The following CACNA1S variants were observed in gnomAD, a reference collection of about 807,000 sequenced individuals.
The protein encoded by CACNA1S is calcium voltage-gated channel subunit alpha1 S, also known as voltage-dependent L-type calcium channel subunit alpha-1S.
A neutral mutation model predicts 207.4 loss-of-function variants in CACNA1S; 126 were observed. The ratio of observed to expected loss-of-function variants is 0.61; its 90% CI spans 0.53 to 0.70. The LOEUF (loss-of-function observed/expected upper bound fraction) is 0.70, where lower values mean the gene tolerates loss of function less well. Among genes scored for constraint, CACNA1S ranks in the 30% least tolerant of loss-of-function variants. CACNA1S has a pLI of 0.00. For missense variants in CACNA1S, 2,349 were observed against 2,422.8 expected, an observed-to-expected ratio of 0.97 and a Z score of 0.64; for synonymous variants, 960 against 932.7, an observed-to-expected ratio of 1.03 and a Z score of -0.53.
chr1:201,111,649 T>C (rs560948024), intron 1 of CACNA1S, among the ~76,000 whole-genome samples: 1 of 152,116 alleles, frequency 6.6e-6, no homozygotes, highest in Non-Finnish European at 1.5e-5. Context: ...CTCTGTCCAC[T>C]GTCACCCCCC....
chr1:201,068,539 G>A lies in CACNA1S; in HGVS notation c.2550+598C>T, dbSNP rs566008565. On this transcript the variant is annotated intron_variant, in intron 19 of 43. Transcript: ENST00000362061. The stretch of plus-strand genomic sequence containing the variant: ...ATTACAGGCGTGAGCCACTGCGCCC[G>A]GCCACCAGGTCTGCTCTTAAGCTAA... 7.2e-4 allele frequency among the ~76,000 whole-genome samples: 107 copies of A among 148,204 alleles called. 1 individual carries two copies. The highest frequency in any genetic ancestry group is 4.3e-4 in the East Asian group (2 of 4,632).
rs577467752 is a variant in CACNA1S, at chr1:201,066,115, C to T, written c.2745+114G>A. The T allele has an allele frequency of 3.3e-4, 365 of 1,090,076 alleles. 4 individuals are homozygous for T. The African/African-American group carries it at 5.2e-3, about 16-fold the overall frequency. 67.5% of individuals were successfully genotyped at this position (1,090,076 alleles called of 1,614,324 possible). A position where few individuals can be genotyped will look rare whatever the true frequency, so the allele number is the denominator to read the frequency against. Reference sequence around the variant, plus strand: ...CAGCCTCATCCTTACCCCTATCTGCCCAGGGAGATGGGACAGGGGTCCCAG... The same window carrying T: ...CAGCCTCATCCTTACCCCTATCTGCTCAGGGAGATGGGACAGGGGTCCCAG... On this transcript the variant is annotated intron_variant, in intron 21 of 43. Coordinates refer to ENST00000362061, the MANE Select transcript of CACNA1S (RefSeq NM_000069.3). This position sits in a 1 kb window ranked among gnomAD's most constrained non-coding sequence, Gnocchi z 4.3.
chr1:201,093,299 A>C (rs1411690127), intron 3 of CACNA1S, among the ~76,000 whole-genome samples: 2 of 152,238 alleles, frequency 1.3e-5, no homozygotes, highest in Admixed American at 1.3e-4. Context: ...CTCTGGACAC[A>C]CAAAGAGACA....
chr1:201,090,390 G>C (rs560379505), intron 5 of CACNA1S, among the ~76,000 whole-genome samples: 2 of 152,298 alleles, frequency 1.3e-5, no homozygotes, highest in Non-Finnish European at 1.5e-5. Flanking sequence ...GTGGTGATGG[G>C]AGGAGGCTGA....
intron 2 of CACNA1S, among the ~76,000 whole-genome samples, chr1:201,100,124 C>T (rs1227970283): frequency 6.6e-6 from 1 of 152,228 alleles, no homozygotes; most frequent in African/African-American, 2.4e-5. Flanking sequence ...CCCTCTCCAT[C>T]CCAGAGGGAT....
At chr1:201,089,137 A>G (rs565763016) in intron 6 of CACNA1S, 121 bp downstream of exon 6, 1 of 865,938 alleles carries the variant, frequency 1.2e-6, no homozygotes, top group Admixed American at 2.0e-5. Context: ...AGCAAGAGGG[A>G]GCTGTGGTCA....
rs16847664 is a variant in CACNA1S at position 201,074,574 on chromosome 1, G to C, written c.1995C>G (p.Ala665=). Residue 665 remains alanine (A), a synonymous_variant, in exon 14 of 44, where the codon GCC becomes GCG. Transcript: ENST00000362061. ...GGGCAGAAGTCAGGCTCTCCGCCTC[G>C]GCCAGGTTGTCCACGGCAATGGCCA... is the stretch of plus-strand genomic sequence containing the variant. The part of the protein sequence containing the change: ...VFLAIAVDNL[A]EAESLTSAQK... The C allele has an allele frequency of 1.9e-6, 3 of 1,613,826 alleles. No individual in the cohort carries two copies. Among genetic ancestry groups the C allele is most frequent in the Non-Finnish European group, 2.5e-6 (3 of 1,179,904 alleles).
Position 201,085,730 on chromosome 1 carries a change from T to C in CACNA1S, c.1005-149A>G, listed in dbSNP as rs909618703. ...GTGTTGCCTGGGGTCCAGGTGCCCCTCAAGGTGGCTGAGAGACAGCCCCTC... is the reference window on the plus strand; with the variant it reads ...GTGTTGCCTGGGGTCCAGGTGCCCCCCAAGGTGGCTGAGAGACAGCCCCTC... On this transcript the variant is annotated intron_variant, in intron 7 of 43. Coordinates refer to ENST00000362061, the MANE Select transcript of CACNA1S (RefSeq NM_000069.3). 21 of 821,054 alleles carry C rather than the reference T, an allele frequency of 2.6e-5. No individual in the cohort carries two copies. The African/African-American group carries it at 3.1e-4, about 12-fold the overall frequency. The allele number at this position is 821,054 out of a possible 1,614,324, so 50.9% of individuals were successfully genotyped here.
chr1:201,082,132 G>A (rs774695600), intron 10 of CACNA1S, among the ~76,000 whole-genome samples: 1 of 150,174 alleles, frequency 6.7e-6, no homozygotes, highest in African/African-American at 2.5e-5. Context: ...AGGTTCAAGC[G>A]ATTCTCCTGC....
chr1:201,106,870 G>A (rs763302540), intron 2 of CACNA1S, among the ~76,000 whole-genome samples: 22 of 152,162 alleles, frequency 1.4e-4, no homozygotes, highest in Non-Finnish European at 1.0e-4. Flanking sequence ...ACCCAGAATC[G>A]GGGAGGGCCT....
At chr1:201,074,378 C>A in intron 14 of CACNA1S, 128 bp downstream of exon 14, 2 of 708,624 alleles carry the variant, frequency 2.8e-6, no homozygotes, top group East Asian at 2.7e-5. Flanking sequence ...CAGAAGTTTG[C>A]CCACTGAGGT....
At chr1:201,054,691 G>A (rs917129518) in intron 28 of CACNA1S, 130 bp from the exon 29 acceptor site, 19 of 344,334 alleles carry the variant, frequency 5.5e-5, no homozygotes, top group Non-Finnish European at 9.8e-5. Flanking sequence ...AGAGGCAGGG[G>A]CTAAAGACCC....
Position 201,109,846 on chromosome 1 carries a change from T to A in CACNA1S, c.258+318A>T, listed in dbSNP as rs532835812. On this transcript the variant is annotated intron_variant, in intron 2 of 43. Coordinates refer to ENST00000362061, the MANE Select transcript of CACNA1S (RefSeq NM_000069.3). ...ACCTTACTAAGCCTCAGTTTCCACA[T>A]CTGTCAAATGGAACCACTTTATGAG... Among the ~76,000 whole-genome samples, 7 of 152,342 alleles carry A rather than the reference T, an allele frequency of 4.6e-5. No individual in the cohort carries two copies. The South Asian group carries it at 1.4e-3, about 32-fold the overall frequency.
intron 16 of CACNA1S, 48 bp downstream of exon 16, chr1:201,072,707 C>T: frequency 1.4e-6 from 2 of 1,439,414 alleles, no homozygotes; most frequent in Non-Finnish European, 9.8e-7. Context: ...CGGCACACCC[C>T]TACTTCACCC....
chr1:201,098,855 C>T (rs893590691), intron 2 of CACNA1S, among the ~76,000 whole-genome samples: 1 of 152,160 alleles, frequency 6.6e-6, no homozygotes, highest in Non-Finnish European at 1.5e-5. Context: ...ATTAAATGTC[C>T]CCTTCAAGGA....
At chr1:201,078,165 T>A in intron 10 of CACNA1S, 61 bp from the exon 11 acceptor site, 2 of 1,364,830 alleles carry the variant, frequency 1.5e-6, no homozygotes, top group Non-Finnish European at 2.1e-6. Context: ...ACTCCCAGCC[T>A]TGGCTGTGGC....
intron 10 of CACNA1S, among the ~76,000 whole-genome samples, chr1:201,079,598 C>A (rs183235451): frequency 1.4e-5 from 2 of 145,784 alleles, no homozygotes; most frequent in African/African-American, 2.6e-5. Context: ...AATCGCAGAG[C>A]GCTTTGACCG....
At chr1:201,050,362 A>C in intron 34 of CACNA1S, 27 bp downstream of exon 34, 1 of 1,613,738 alleles carries the variant, frequency 6.2e-7, no homozygotes, top group Non-Finnish European at 8.5e-7. Context: ...TGGAGGGCCC[A>C]GCACAGAGCC....
At chr1:201,093,331 G>C (rs1029174852) in intron 3 of CACNA1S, among the ~76,000 whole-genome samples, 1 of 152,190 alleles carries the variant, frequency 6.6e-6, no homozygotes, top group African/African-American at 2.4e-5. Context: ...CAGGCACAGA[G>C]GAGAGACTGT....
Sources: allele counts gnomAD v4.1 joint callset (sites outside exome capture counted in the v4.1 genomes callset), GRCh38; gene constraint gnomAD v4.1.1; non-coding constraint Gnocchi (gnomAD v3.1); transcripts MANE v1.5; gene names NCBI Gene and HGNC (gene_info 2026-07-23, HGNC 2026-07-21).